AGBL4: variants seen among roughly 807,000 people sequenced by gnomAD.
The protein encoded by AGBL4 is cytosolic carboxypeptidase 6.
AGBL4 carries 58 observed loss-of-function variants against 66.4 expected under a neutral mutation model. The ratio of observed to expected loss-of-function variants is 0.87; its 90% CI spans 0.71 to 1.09. The LOEUF is 1.09. Among genes scored for constraint, AGBL4 ranks in the 50% least tolerant of loss-of-function variants. The pLI, the probability that AGBL4 is intolerant of heterozygous loss-of-function variation, is 0.00. For synonymous variants in AGBL4, 234 were observed against 222.9 expected, an observed-to-expected ratio of 1.05 and a Z score of -0.44; for missense variants, 579 against 631.0, an observed-to-expected ratio of 0.92 and a Z score of 0.88.
chr1:49,553,839 T>C (rs1302308948), intron 3 of AGBL4, among the ~76,000 whole-genome samples: 1 of 152,172 alleles, frequency 6.6e-6, no homozygotes, highest in Admixed American at 6.5e-5. Flanking sequence ...AAATTTAAAT[T>C]TTCTTCTCAC....
intron 3 of AGBL4, among the ~76,000 whole-genome samples, chr1:49,539,590 T>C (rs1291495131): frequency 6.6e-6 from 1 of 152,236 alleles, no homozygotes; most frequent in Non-Finnish European, 1.5e-5. Flanking sequence ...CTCTTCCTAC[T>C]GGATTACTCA....
rs189942966 is a variant in AGBL4 at position 48,914,310 on chromosome 1, T to C, written c.595-47080A>G. On this transcript the variant is annotated intron_variant, in intron 5 of 13. Transcript: ENST00000371839. ...AAATAGTGTTTCCAGATGAAGAGGA[T>C]GGTCAGCAGTGTCATTAAAAAAACA... Among the ~76,000 whole-genome samples the C allele has an allele frequency of 1.5e-3, 232 of 152,192 alleles. 1 individual carries two copies. Among genetic ancestry groups the C allele is most frequent in the African/African-American group, 5.3e-3 (219 of 41,506 alleles).
chr1:49,032,195 C>T (rs1664285379), intron 5 of AGBL4, among the ~76,000 whole-genome samples: 1 of 152,080 alleles, frequency 6.6e-6, no homozygotes, highest in Non-Finnish European at 1.5e-5. Context: ...CAGGCAGAGA[C>T]CAGATGATCC....
At chr1:49,785,314 A>C (rs1644426149) in intron 2 of AGBL4, among the ~76,000 whole-genome samples, 2 of 152,046 alleles carry the variant, frequency 1.3e-5, no homozygotes. Flanking sequence ...TTACTAAAAG[A>C]ATGTATGTTA....
At chr1:48,692,824 G>T (rs1483371060) in intron 6 of AGBL4, among the ~76,000 whole-genome samples, 4 of 152,162 alleles carry the variant, frequency 2.6e-5, no homozygotes, top group African/African-American at 9.7e-5. Flanking sequence ...CAGGGAAATG[G>T]ATTAGGAGGG....
intron 3 of AGBL4, among the ~76,000 whole-genome samples, chr1:49,317,161 G>A (rs1286512966): frequency 6.6e-6 from 1 of 151,778 alleles, no homozygotes; most frequent in Non-Finnish European, 1.5e-5. Flanking sequence ...TGGGTTATGA[G>A]CCGGATTTTT....
At chr1:48,586,858 G>T in intron 11 of AGBL4, 146 bp downstream of exon 11, 1 of 1,038,334 alleles carries the variant, frequency 9.6e-7, no homozygotes, top group Non-Finnish European at 1.4e-6. Flanking sequence ...ACAATCCAAA[G>T]ACGCCACCAG....
intron 2 of AGBL4, among the ~76,000 whole-genome samples, chr1:49,768,187 A>G (rs12070696): frequency 0.02 from 2,975 of 152,238 alleles, 111 homozygotes; most frequent in African/African-American, 0.068. Flanking sequence ...AGCCAGGATT[A>G]CTGTGACACC....
intron 4 of AGBL4, among the ~76,000 whole-genome samples, chr1:49,240,046 A>G (rs1651096113): frequency 6.6e-6 from 1 of 152,016 alleles, no homozygotes; most frequent in African/African-American, 2.4e-5. Flanking sequence ...TAAAATATAA[A>G]TTTTTGTTTT....
Position 49,561,249 on chromosome 1 carries a change from T to TA in AGBL4, c.282+136063dup, listed in dbSNP as rs536200461. Among the ~76,000 whole-genome samples the TA allele has an allele frequency of 9.9e-5, 15 of 151,664 alleles. No homozygotes were observed. The East Asian group carries it at 1.2e-3, about 12-fold the overall frequency. On this transcript the variant is annotated intron_variant, in intron 3 of 13. Coordinates refer to ENST00000371839, the MANE Select transcript of AGBL4 (RefSeq NM_032785.4). ...GTAGAGCTTTTTTAAGTTTTCTTTT[T>TA]AAAAAAAATTGTATATTTTTTGCTT...
At chr1:49,755,358 T>C (rs1442923424) in intron 2 of AGBL4, among the ~76,000 whole-genome samples, 1 of 152,170 alleles carries the variant, frequency 6.6e-6, no homozygotes, top group Non-Finnish European at 1.5e-5. Flanking sequence ...AAATGAGAAG[T>C]GACTTGCTCC....
intron 5 of AGBL4, among the ~76,000 whole-genome samples, chr1:48,926,959 G>A (rs1156348827): frequency 6.6e-6 from 1 of 152,176 alleles, no homozygotes; most frequent in Non-Finnish European, 1.5e-5. Context: ...AAGAGCAGGA[G>A]TAATGGCTGA....
chr1:49,729,952 G>A (rs1352290839), intron 2 of AGBL4, among the ~76,000 whole-genome samples: 2 of 152,024 alleles, frequency 1.3e-5, no homozygotes, highest in Non-Finnish European at 2.9e-5. Context: ...TAGAGTCCAT[G>A]ACCCGAGTGA....
In AGBL4 at chr1:48,680,223, A is replaced by C. The variant is rs1029630399; in HGVS notation, c.635-16982T>G. On this transcript the variant is annotated intron_variant, in intron 6 of 13. Transcript: ENST00000371839. ...CCTGTCAAAAAATGAGAACAAATTAAATTGAAGCACAAAGTCGTTTCCCTT... is the reference window on the plus strand; with the variant it reads ...CCTGTCAAAAAATGAGAACAAATTACATTGAAGCACAAAGTCGTTTCCCTT... Among the ~76,000 whole-genome samples, 6 of 152,356 alleles carry C rather than the reference A, an allele frequency of 3.9e-5. No individual in the cohort carries two copies. In the Middle Eastern group the frequency reaches 0.01, roughly 259 times the overall value.
chr1:49,051,065 A>G (rs1644200902), intron 4 of AGBL4, among the ~76,000 whole-genome samples: 1 of 152,110 alleles, frequency 6.6e-6, no homozygotes. Context: ...GGTCCTCCTC[A>G]GGAGCCTTGA....
At chr1:49,334,288 G>C (rs1329376223) in intron 3 of AGBL4, among the ~76,000 whole-genome samples, 1 of 152,100 alleles carries the variant, frequency 6.6e-6, no homozygotes, top group African/African-American at 2.4e-5. Flanking sequence ...CTGATTCCAG[G>C]TCTAGTCCTT....
At chr1:49,702,876 A>AT (rs1157218796) in intron 2 of AGBL4, among the ~76,000 whole-genome samples, 1 of 152,134 alleles carries the variant, frequency 6.6e-6, no homozygotes, top group East Asian at 1.9e-4. Flanking sequence ...CATAAAAAAA[A>AT]TCTGACAAAA....
chr1:48,742,950 A>C (rs1300505287), intron 6 of AGBL4, among the ~76,000 whole-genome samples: 1 of 152,238 alleles, frequency 6.6e-6, no homozygotes, highest in Non-Finnish European at 1.5e-5. Context: ...TCACAAGGGA[A>C]AAGGTGGAAA....
chr1:48,671,867 C>T (rs1312817481), intron 6 of AGBL4, among the ~76,000 whole-genome samples: 3 of 152,200 alleles, frequency 2.0e-5, no homozygotes, highest in African/African-American at 7.2e-5. Context: ...GTGTACCCAG[C>T]TAGAACTGAG....
Sources: gnomAD v4.1 joint callset for allele counts (sites outside exome capture counted in the v4.1 genomes callset) on GRCh38, gnomAD v4.1.1 for gene constraint, MANE v1.5 for transcripts, NCBI Gene and HGNC (gene_info 2026-07-23, HGNC 2026-07-21) for gene names.